SGCZ: variants seen among roughly 807,000 people sequenced by gnomAD.
The protein encoded by SGCZ is sarcoglycan zeta.
A neutral mutation model predicts 41.3 loss-of-function variants in SGCZ; 40 were observed. The ratio of observed to expected loss-of-function variants is 0.97; its 90% CI spans 0.75 to 1.26. SGCZ has a LOEUF of 1.26. Among genes scored for constraint, SGCZ ranks in the 50% most tolerant of loss-of-function variants. The probability of loss-of-function intolerance (pLI) is 0.00; values close to 1 mark genes in which losing one functional copy is unlikely to be tolerated. For synonymous variants in SGCZ, 206 were observed against 137.5 expected (o/e 1.50, Z -3.49); for missense variants, 552 against 369.8 (o/e 1.49, Z -4.04).
intron 1 of SGCZ, among the ~76,000 whole-genome samples, chr8:14,601,615 G>A (rs773091795): frequency 4.6e-5 from 7 of 152,082 alleles, no homozygotes; most frequent in Non-Finnish European, 1.0e-4. Context: ...GTATTTGATT[G>A]TTTACAAAAT....
At chr8:14,879,717 C>A (rs1804510608) in intron 1 of SGCZ, 1 of 151,898 alleles carries the variant, frequency 6.6e-6, no homozygotes, top group African/African-American at 2.4e-5. Context: ...AACACACCAG[C>A]CTACTATGCA....
intron 2 of SGCZ, among the ~76,000 whole-genome samples, chr8:14,346,376 A>G (rs1802891894): frequency 6.6e-6 from 1 of 152,054 alleles, no homozygotes; most frequent in Non-Finnish European, 1.5e-5. Flanking sequence ...AAAACATTCT[A>G]CTGACTTTGT....
At chr8:14,892,330 C>G (rs1038566376) in intron 1 of SGCZ, among the ~76,000 whole-genome samples, 1 of 152,078 alleles carries the variant, frequency 6.6e-6, no homozygotes, top group Non-Finnish European at 1.5e-5. Flanking sequence ...TCCTGTCACT[C>G]AAAAGCGTGA....
intron 1 of SGCZ, among the ~76,000 whole-genome samples, chr8:14,737,180 C>CAT (rs377521367): frequency 0.012 from 1,680 of 140,892 alleles, 21 homozygotes; most frequent in Middle Eastern, 0.032. Context: ...ATATATCATA[C>CAT]ATATATATAT....
intron 1 of SGCZ, among the ~76,000 whole-genome samples, chr8:15,030,372 C>T (rs563140578): frequency 1.3e-5 from 2 of 152,020 alleles, no homozygotes; most frequent in South Asian, 2.1e-4. Context: ...GTTTTACTAT[C>T]CTTAAAGCAG....
chr8:14,950,442 T>G (rs918461582), intron 1 of SGCZ, among the ~76,000 whole-genome samples: 3 of 152,072 alleles, frequency 2.0e-5, no homozygotes, highest in East Asian at 3.9e-4. Flanking sequence ...CCTTCTCTTC[T>G]GCTCTTCTTC....
At position 14,986,587 on chromosome 8, in the gene SGCZ, T is replaced by C. The variant is rs541710499; in HGVS notation, c.39+250998A>G. ...AGAAATCTGAAATAGTATTTTAATGTTAAATTATATATATATGCCAATTAC... is the reference window on the plus strand; with the variant it reads ...AGAAATCTGAAATAGTATTTTAATGCTAAATTATATATATATGCCAATTAC... On this transcript the variant is annotated intron_variant, in intron 1 of 7. Transcript: ENST00000382080. Among the ~76,000 whole-genome samples the C allele has an allele frequency of 2.2e-4, 33 of 152,242 alleles. 1 individual carries two copies. The highest frequency in any genetic ancestry group is 6.7e-4 in the African/African-American group (28 of 41,572).
At chr8:14,601,663 G>T (rs1805593420) in intron 1 of SGCZ, among the ~76,000 whole-genome samples, 1 of 152,058 alleles carries the variant, frequency 6.6e-6, no homozygotes, top group Non-Finnish European at 1.5e-5. Flanking sequence ...TTTCCTTATT[G>T]GTAGCAGAAA....
At chr8:14,471,822 T>A (rs1234423352) in intron 2 of SGCZ, among the ~76,000 whole-genome samples, 1 of 152,082 alleles carries the variant, frequency 6.6e-6, no homozygotes, top group Non-Finnish European at 1.5e-5. Context: ...ATTATGACGA[T>A]TCTAAATAAA....
intron 1 of SGCZ, among the ~76,000 whole-genome samples, chr8:15,025,678 G>T (rs1288683219): frequency 1.3e-5 from 2 of 151,982 alleles, no homozygotes; most frequent in Non-Finnish European, 2.9e-5. Context: ...TTGAGATTTT[G>T]GTCTTAAAAA....
chr8:15,154,406 G>A (rs1353630897), intron 1 of SGCZ, among the ~76,000 whole-genome samples: 1 of 152,152 alleles, frequency 6.6e-6, no homozygotes, highest in Non-Finnish European at 1.5e-5. Flanking sequence ...CTCCCTTCCA[G>A]TGGCCAGAGT....
intron 1 of SGCZ, among the ~76,000 whole-genome samples, chr8:14,660,507 G>C (rs116650759): frequency 0.023 from 3,227 of 139,468 alleles, 52 homozygotes; most frequent in South Asian, 0.089. Flanking sequence ...AGAGGCGGAG[G>C]TTTCAGTGAG....
chr8:14,726,157 G>A (rs768615802), intron 1 of SGCZ, among the ~76,000 whole-genome samples: 25 of 150,872 alleles, frequency 1.7e-4, no homozygotes, highest in South Asian at 1.0e-3. Context: ...TACTCGGGAG[G>A]CTGAGGCAGG....
At chr8:14,782,031 T>C (rs935656150) in intron 1 of SGCZ, among the ~76,000 whole-genome samples, 2 of 152,202 alleles carry the variant, frequency 1.3e-5, no homozygotes, top group African/African-American at 4.8e-5. Flanking sequence ...ACTTGACTAG[T>C]TGCTGAGAAA....
intron 3 of SGCZ, among the ~76,000 whole-genome samples, chr8:14,285,264 T>C (rs1184591483): frequency 6.6e-6 from 1 of 152,170 alleles, no homozygotes; most frequent in Non-Finnish European, 1.5e-5. Context: ...GTCTTAGTCT[T>C]GTAACCTCCA....
At chr8:14,919,655 C>T (rs767385051) in intron 1 of SGCZ, among the ~76,000 whole-genome samples, 44 of 151,640 alleles carry the variant, frequency 2.9e-4, no homozygotes, top group Non-Finnish European at 5.2e-4. Flanking sequence ...CGATGGCTCA[C>T]GCCTGTAACC....
At chr8:14,455,996 G>C (rs947792392) in intron 2 of SGCZ, among the ~76,000 whole-genome samples, 2 of 152,162 alleles carry the variant, frequency 1.3e-5, no homozygotes, top group East Asian at 3.9e-4. Flanking sequence ...AGGGGATGCG[G>C]AGTGACTGTT....
intron 1 of SGCZ, among the ~76,000 whole-genome samples, chr8:15,066,442 T>A (rs1805152578): frequency 1.3e-5 from 2 of 152,194 alleles, no homozygotes; most frequent in South Asian, 4.1e-4. Context: ...CTAATTCTAA[T>A]GTTTTATTTT....
intron 3 of SGCZ, among the ~76,000 whole-genome samples, chr8:14,312,700 AGAG>A (rs761423593): frequency 1.2e-4 from 18 of 152,046 alleles, no homozygotes; most frequent in African/African-American, 3.1e-4. Flanking sequence ...AGGAGCAGGA[AGAG>A]GAGGAGGAGG....
Sources: allele counts gnomAD v4.1 joint callset (sites outside exome capture counted in the v4.1 genomes callset), GRCh38; gene constraint gnomAD v4.1.1; transcripts MANE v1.5; gene names NCBI Gene and HGNC (gene_info 2026-07-23, HGNC 2026-07-21).